SPOCK1: variants seen among roughly 807,000 people sequenced by gnomAD.
The protein encoded by SPOCK1 is SPARC (osteonectin), cwcv and kazal like domains proteoglycan 1, also known as testican-1.
In SPOCK1, 23 loss-of-function variants were observed where a neutral mutation model predicts 55.3. The ratio of observed to expected loss-of-function variants is 0.42; its 90% confidence interval spans 0.30 to 0.59. The LOEUF is 0.59. Ranked by LOEUF, SPOCK1 falls within the 20% of genes least tolerant of loss-of-function variation. The pLI is 0.22. For missense variants in SPOCK1, 499 were observed against 552.5 expected, an observed-to-expected ratio of 0.90 and a Z score of 0.97; for synonymous variants, 226 against 221.0, an observed-to-expected ratio of 1.02 and a Z score of -0.20.
chr5:137,117,525 C>T (rs1753611034), intron 4 of SPOCK1, among the ~76,000 whole-genome samples: 1 of 152,164 alleles, frequency 6.6e-6, no homozygotes, highest in Admixed American at 6.5e-5. Context: ...GCTTCTGGTA[C>T]TTAGAAATAG....
chr5:137,427,461 G>A (rs937938250), intron 2 of SPOCK1, among the ~76,000 whole-genome samples: 4 of 152,128 alleles, frequency 2.6e-5, no homozygotes, highest in African/African-American at 9.7e-5. Context: ...CATGGGCAAG[G>A]GCTGAGCTCT....
chr5:137,093,454 G>T (rs1010238844), intron 5 of SPOCK1, among the ~76,000 whole-genome samples: 2 of 152,102 alleles, frequency 1.3e-5, no homozygotes, highest in Admixed American at 6.5e-5. Context: ...CATATGCTAG[G>T]CCCCATTCTA....
chr5:137,121,792 T>C (rs1753688964), intron 4 of SPOCK1, among the ~76,000 whole-genome samples: 1 of 146,656 alleles, frequency 6.8e-6, no homozygotes, highest in Non-Finnish European at 1.5e-5. Context: ...GATACTAATA[T>C]CCTTATTATC....
chr5:137,141,987 T>C (rs928789682), intron 3 of SPOCK1, among the ~76,000 whole-genome samples: 1 of 152,168 alleles, frequency 6.6e-6, no homozygotes, highest in African/African-American at 2.4e-5. Context: ...ATGCTCATCA[T>C]TGGCACAGAA....
At chr5:137,434,733 C>T (rs1363048601) in intron 2 of SPOCK1, among the ~76,000 whole-genome samples, 2 of 151,760 alleles carry the variant, frequency 1.3e-5, no homozygotes, top group Non-Finnish European at 2.9e-5. Flanking sequence ...AATCTCCTGA[C>T]CTCGTGATCT....
chr5:137,208,361 G>A (rs375436586), intron 3 of SPOCK1, among the ~76,000 whole-genome samples: 1 of 152,106 alleles, frequency 6.6e-6, no homozygotes, highest in African/African-American at 2.4e-5. Context: ...AGGAGATGAA[G>A]CCTGAGAGGT....
chr5:137,494,861 G>T (rs948869395), intron 2 of SPOCK1, among the ~76,000 whole-genome samples: 2 of 152,202 alleles, frequency 1.3e-5, no homozygotes, highest in Admixed American at 1.3e-4. Context: ...GTTATGGAAA[G>T]CCAAAGCCAA....
intron 3 of SPOCK1, among the ~76,000 whole-genome samples, chr5:137,220,151 AT>A (rs1755817114): frequency 6.6e-6 from 1 of 152,206 alleles, no homozygotes; most frequent in African/African-American, 2.4e-5. Flanking sequence ...AGGGAGGAAG[AT>A]GGGGAGCACA....
chr5:137,140,132 C>T (rs1257208472), intron 4 of SPOCK1, among the ~76,000 whole-genome samples: 10 of 152,156 alleles, frequency 6.6e-5, no homozygotes, highest in Non-Finnish European at 1.5e-4. Context: ...AAAGATGCTA[C>T]ATCCAATGGG....
At chr5:137,287,258 C>T (rs563149565) in intron 2 of SPOCK1, among the ~76,000 whole-genome samples, 17 of 152,336 alleles carry the variant, frequency 1.1e-4, no homozygotes, top group African/African-American at 4.1e-4. Context: ...AGTCCCAAGA[C>T]TGACTGTATG....
intron 5 of SPOCK1, among the ~76,000 whole-genome samples, chr5:137,095,339 T>C (rs1309053115): frequency 2.0e-5 from 3 of 148,184 alleles, no homozygotes; most frequent in East Asian, 2.0e-4. Context: ...AACCTCCAAT[T>C]TGTAAAAAAA....
At chr5:137,419,239 C>T (rs1752427831) in intron 2 of SPOCK1, among the ~76,000 whole-genome samples, 2 of 152,130 alleles carry the variant, frequency 1.3e-5, no homozygotes, top group African/African-American at 4.8e-5. Context: ...TAGGGTAATG[C>T]CTCCAGCTTT....
chr5:137,407,180 A>T (rs534455454), intron 2 of SPOCK1, among the ~76,000 whole-genome samples: 74 of 152,326 alleles, frequency 4.9e-4, no homozygotes, highest in Non-Finnish European at 8.1e-4. Flanking sequence ...AATAGATATA[A>T]GATTTTTACT....
intron 2 of SPOCK1, among the ~76,000 whole-genome samples, chr5:137,387,758 G>A (rs1249798818): frequency 1.3e-5 from 2 of 152,196 alleles, no homozygotes; most frequent in African/African-American, 2.4e-5. Context: ...TGTGTGACTT[G>A]CAGGGATGTT....
intron 2 of SPOCK1, among the ~76,000 whole-genome samples, chr5:137,479,551 G>A (rs1183801285): frequency 1.3e-5 from 2 of 152,228 alleles, no homozygotes; most frequent in East Asian, 3.8e-4. Context: ...GTCTGGCCAT[G>A]TGACCTACCT....
chr5:137,322,186 G>C (rs753222097), intron 2 of SPOCK1, among the ~76,000 whole-genome samples: 1 of 151,818 alleles, frequency 6.6e-6, no homozygotes, highest in African/African-American at 2.4e-5. Flanking sequence ...ACAAAAATTA[G>C]CCAGGCATGT....
chr5:137,202,653 G>T (rs187018991), intron 3 of SPOCK1, among the ~76,000 whole-genome samples: 303 of 152,334 alleles, frequency 2.0e-3, no homozygotes, highest in African/African-American at 7.0e-3. Flanking sequence ...AAATGAATTA[G>T]TTAGGTGTTC....
chr5:137,156,411 A>G (rs1310117725), intron 3 of SPOCK1, among the ~76,000 whole-genome samples: 1 of 152,188 alleles, frequency 6.6e-6, no homozygotes, highest in Admixed American at 6.5e-5. Flanking sequence ...CCTCATGAGA[A>G]CACATCGCCA....
At chr5:137,444,412 C>T (rs1248150369) in intron 2 of SPOCK1, among the ~76,000 whole-genome samples, 1 of 152,116 alleles carries the variant, frequency 6.6e-6, no homozygotes, top group East Asian at 1.9e-4. Context: ...TGTAGGTGTC[C>T]AAGGTTTACC....
Sources: gnomAD v4.1 joint callset for allele counts (sites outside exome capture counted in the v4.1 genomes callset) on GRCh38, gnomAD v4.1.1 for gene constraint, MANE v1.5 for transcripts, NCBI Gene and HGNC (gene_info 2026-07-23, HGNC 2026-07-21) for gene names.